The following CASD1 variants were observed in gnomAD, a reference collection of about 807,000 sequenced individuals.
CASD1 encodes CAS1 domain sialic acid O acetyltransferase 1, also known as N-acetylneuraminate (7)9-O-acetyltransferase.
CASD1 carries 41 observed loss-of-function variants against 100.0 expected under a neutral mutation model. That is an observed-to-expected ratio of 0.41 (90% CI 0.32 to 0.53). CASD1 has a LOEUF of 0.53. Among genes scored for constraint, CASD1 ranks in the 20% least tolerant of loss-of-function variants. The pLI, the probability that CASD1 is intolerant of heterozygous loss-of-function variation, is 0.25. For synonymous variants in CASD1, 321 were observed against 315.6 expected, an observed-to-expected ratio of 1.02 and a Z score of -0.18; for missense variants, 774 against 948.7, an observed-to-expected ratio of 0.82 and a Z score of 2.42.
chr7:94,562,665 A>T, the CASD1 span, among the ~76,000 whole-genome samples: 1 of 151,746 alleles, frequency 6.6e-6, no homozygotes, highest in Admixed American at 6.6e-5. Flanking sequence ...TTCCAATGGT[A>T]GCTATGCCAT....
the CASD1 span, chr7:94,625,933 T>C: frequency 2.0e-5 from 3 of 152,182 alleles, no homozygotes; most frequent in East Asian, 5.8e-4. Context: ...TGCCAGATAA[T>C]AAGGTACAGG....
chr7:94,522,043 C>T (rs545946221), intron 3 of CASD1, among the ~76,000 whole-genome samples: 2 of 152,270 alleles, frequency 1.3e-5, no homozygotes, highest in South Asian at 4.1e-4. Flanking sequence ...GAAATTGCGC[C>T]ACTGCACTCC....
At chr7:94,553,352 G>A (rs969885664) in intron 16 of CASD1, among the ~76,000 whole-genome samples, 11 of 152,052 alleles carry the variant, frequency 7.2e-5, no homozygotes, top group African/African-American at 2.7e-4. Flanking sequence ...ACTAACACAA[G>A]CAAAAGACTA....
chr7:94,543,814 G>T (rs747491456), intron 10 of CASD1, among the ~76,000 whole-genome samples: 26 of 152,136 alleles, frequency 1.7e-4, no homozygotes, highest in Non-Finnish European at 2.6e-4. Flanking sequence ...ATCATATGTG[G>T]ATTCAAATGT....
intron 11 of CASD1, among the ~76,000 whole-genome samples, chr7:94,545,096 G>T (rs1002512894): frequency 1.2e-4 from 18 of 152,064 alleles, no homozygotes; most frequent in Non-Finnish European, 2.4e-4. Flanking sequence ...AAGTCCCAAA[G>T]ACATTTTTAA....
At chr7:94,588,290 T>C in the CASD1 span, 1 of 1,060,076 alleles carries the variant, frequency 9.4e-7, no homozygotes, top group Non-Finnish European at 1.1e-6. Flanking sequence ...CCTCAGTGAT[T>C]AGTCACAATG....
chr7:94,628,083 T>G, the CASD1 span: 1 of 742,050 alleles, frequency 1.3e-6, no homozygotes. Flanking sequence ...GCACAAAATA[T>G]TAAAAACCAC....
At chr7:94,510,328 G>C (rs1009708645) in intron 1 of CASD1, 111 bp downstream of exon 1, 65 of 820,020 alleles carry the variant, frequency 7.9e-5, no homozygotes, top group Non-Finnish European at 9.1e-5. Flanking sequence ...CCGCCGGCCC[G>C]GCCCGCGGGG....
At chr7:94,535,099 G>A (rs866543780) in intron 7 of CASD1, among the ~76,000 whole-genome samples, 1 of 152,074 alleles carries the variant, frequency 6.6e-6, no homozygotes, top group East Asian at 1.9e-4. Context: ...AATTTGAAAG[G>A]GATATTGCTT....
chr7:94,560,227 G>A (rs1031924783), downstream of CASD1, among the ~76,000 whole-genome samples: 3 of 152,182 alleles, frequency 2.0e-5, no homozygotes, highest in African/African-American at 7.2e-5. Context: ...TATTGGGAGT[G>A]GCATGATGTG....
the CASD1 span, chr7:94,623,400 A>G: frequency 0.014 from 22,735 of 1,582,944 alleles, 2,719 homozygotes; most frequent in African/African-American, 0.26. Flanking sequence ...GCAGTTATCT[A>G]TTATAAAAGG....
chr7:94,583,002 A>G, the CASD1 span, among the ~76,000 whole-genome samples: 1 of 152,200 alleles, frequency 6.6e-6, no homozygotes, highest in African/African-American at 2.4e-5. Flanking sequence ...TGGCTTGCTT[A>G]AAGGCTTTTA....
the CASD1 span, chr7:94,619,065 G>A: frequency 1.5e-5 from 12 of 792,134 alleles, no homozygotes; most frequent in Non-Finnish European, 2.4e-5. Context: ...CCTGGCAGCA[G>A]GAAGCAATAT....
At chr7:94,614,725 A>C in the CASD1 span, among the ~76,000 whole-genome samples, 1 of 152,184 alleles carries the variant, frequency 6.6e-6, no homozygotes, top group Non-Finnish European at 1.5e-5. Context: ...CAATTGTGGT[A>C]CTTAAAACAC....
the CASD1 span, among the ~76,000 whole-genome samples, chr7:94,584,429 C>T: frequency 6.6e-6 from 1 of 152,314 alleles, no homozygotes; most frequent in African/African-American, 2.4e-5. Context: ...ATTAGAGATA[C>T]ATCTTTAAGA....
At chr7:94,512,854 T>G (rs1028699511) in intron 1 of CASD1, among the ~76,000 whole-genome samples, 2 of 152,188 alleles carry the variant, frequency 1.3e-5, no homozygotes, top group African/African-American at 4.8e-5. Flanking sequence ...ATTTCCATTT[T>G]AAATATGAAG....
intron 3 of CASD1, among the ~76,000 whole-genome samples, chr7:94,525,001 T>C (rs1269962876): frequency 6.6e-6 from 1 of 152,146 alleles, no homozygotes; most frequent in Non-Finnish European, 1.5e-5. Flanking sequence ...CAAAATTCCT[T>C]ATGTAAGAGA....
At chr7:94,546,914 C>T (rs1318965588) in intron 12 of CASD1, among the ~76,000 whole-genome samples, 182 bp from the exon 13 acceptor site, 1 of 151,652 alleles carries the variant, frequency 6.6e-6, no homozygotes, top group Non-Finnish European at 1.5e-5. Context: ...AGCAAGAATC[C>T]TTTGTTTTTC....
the CASD1 span, among the ~76,000 whole-genome samples, chr7:94,568,628 TAAGTG>T: frequency 2.6e-5 from 4 of 152,168 alleles, no homozygotes; most frequent in African/African-American, 9.7e-5. Context: ...AAACGACAGA[TAAGTG>T]AAGTGGGTGC....
Sources: gnomAD v4.1 joint callset for allele counts (sites outside exome capture counted in the v4.1 genomes callset) on GRCh38, gnomAD v4.1.1 for gene constraint, MANE v1.5 for transcripts, NCBI Gene and HGNC (gene_info 2026-07-23, HGNC 2026-07-21) for gene names.